PTPRM: variants seen among roughly 807,000 people sequenced by gnomAD.
PTPRM encodes protein tyrosine phosphatase receptor type M.
Under a neutral mutation model 186.7 loss-of-function variants are expected in PTPRM, and 47 were observed. The ratio of observed to expected loss-of-function variants is 0.25; its 90% CI spans 0.20 to 0.32. The LOEUF (loss-of-function observed/expected upper bound fraction) is 0.32. Among genes scored for constraint, PTPRM ranks in the 10% least tolerant of loss-of-function variants. The pLI is 1.00. For missense variants in PTPRM, 1,494 were observed against 1,865.0 expected, an observed-to-expected ratio of 0.80 and a Z score of 3.66; for synonymous variants, 668 against 674.9, an observed-to-expected ratio of 0.99 and a Z score of 0.16.
chr18:7,875,608 G>A (rs2048200452), intron 2 of PTPRM, among the ~76,000 whole-genome samples: 1 of 152,152 alleles, frequency 6.6e-6, no homozygotes, highest in Non-Finnish European at 1.5e-5. Flanking sequence ...ACCGGCGTGA[G>A]CCTCTGTGCC....
intron 1 of PTPRM, among the ~76,000 whole-genome samples, chr18:7,706,707 A>C (rs963601613): frequency 1.3e-5 from 2 of 151,414 alleles, no homozygotes; most frequent in African/African-American, 4.9e-5. Flanking sequence ...GGAGGGATGG[A>C]CTATCCCAGC....
intron 1 of PTPRM, among the ~76,000 whole-genome samples, chr18:7,678,254 G>T (rs943494122): frequency 7.2e-5 from 11 of 152,174 alleles, no homozygotes; most frequent in Non-Finnish European, 1.5e-4. Flanking sequence ...CTCAGGGGTA[G>T]GGTGGCTGTA....
At chr18:7,858,476 C>T (rs370800566) in intron 2 of PTPRM, among the ~76,000 whole-genome samples, 28 of 152,202 alleles carry the variant, frequency 1.8e-4, no homozygotes, top group African/African-American at 5.3e-4. Context: ...GAAGATTGAT[C>T]GCTTGCGCCC....
At chr18:7,767,969 T>G (rs1245192971) in intron 1 of PTPRM, among the ~76,000 whole-genome samples, 1 of 152,204 alleles carries the variant, frequency 6.6e-6, no homozygotes, top group Non-Finnish European at 1.5e-5. Flanking sequence ...GGCAAAATAA[T>G]TGCAGCCAGA....
intron 14 of PTPRM, among the ~76,000 whole-genome samples, chr18:8,153,279 C>G (rs140204735): frequency 6.6e-6 from 1 of 152,070 alleles, no homozygotes; most frequent in East Asian, 1.9e-4. Flanking sequence ...CCCTTGTGAC[C>G]CTAGCTAAAT....
chr18:8,402,344 T>G lies in PTPRM; in HGVS notation c.4345-3765T>G, dbSNP rs116697074. ...ATAAGGTGGGAGAGGGAGAATTCAT[T>G]TTGAAAATTATAGTCATGCCTGAGA... On this transcript the variant is annotated intron_variant, in intron 32 of 32. Transcript: ENST00000580170. Among the ~76,000 whole-genome samples the G allele has an allele frequency of 2.9e-3, 438 of 152,226 alleles. 2 individuals carry two copies. The highest frequency in any genetic ancestry group is 0.01 in the African/African-American group (419 of 41,528).
At chr18:8,240,171 G>A (rs989477165) in intron 14 of PTPRM, among the ~76,000 whole-genome samples, 3 of 152,054 alleles carry the variant, frequency 2.0e-5, no homozygotes, top group African/African-American at 7.2e-5. Context: ...ATTACTTATC[G>A]ACAATCCTAA....
chr18:7,852,028 G>A lies in PTPRM; in HGVS notation c.197-36078G>A, dbSNP rs565642222. Among the ~76,000 whole-genome samples the A allele has an allele frequency of 8.5e-5, 13 of 152,118 alleles. No individual in the cohort carries two copies. The South Asian group carries it at 2.7e-3, about 32-fold the overall frequency. ...CAGCAATCACAAAAAGAATAGAGAAGGGATATGTAAAGAACAAGCTACTGG... is the reference window on the plus strand; with the variant it reads ...CAGCAATCACAAAAAGAATAGAGAAAGGATATGTAAAGAACAAGCTACTGG... On this transcript the variant is annotated intron_variant, in intron 2 of 32. Transcript: ENST00000580170.
intron 23 of PTPRM, among the ~76,000 whole-genome samples, chr18:8,350,062 A>G (rs1264442808): frequency 3.9e-5 from 6 of 152,210 alleles, no homozygotes; most frequent in African/African-American, 1.4e-4. Flanking sequence ...CTAAGTTCCT[A>G]TGGCCAAACT....
chr18:8,005,033 C>G (rs528480085), intron 7 of PTPRM, among the ~76,000 whole-genome samples: 56 of 152,268 alleles, frequency 3.7e-4, no homozygotes, highest in African/African-American at 1.3e-3. Context: ...TGAGCATACA[C>G]TATATTGTAT....
intron 23 of PTPRM, among the ~76,000 whole-genome samples, chr18:8,346,873 C>A (rs1440971437): frequency 6.6e-6 from 1 of 151,990 alleles, no homozygotes; most frequent in Non-Finnish European, 1.5e-5. Context: ...CCTTGCTCAG[C>A]AGCCTCTCCC....
At chr18:8,364,172 A>T (rs1291878362) in intron 23 of PTPRM, among the ~76,000 whole-genome samples, 1 of 152,212 alleles carries the variant, frequency 6.6e-6, no homozygotes, top group Non-Finnish European at 1.5e-5. Context: ...TGAAAGGAAG[A>T]ATCTAGGAAA....
intron 1 of PTPRM, among the ~76,000 whole-genome samples, chr18:7,746,934 G>A (rs1032086669): frequency 7.2e-5 from 11 of 152,158 alleles, no homozygotes; most frequent in Non-Finnish European, 1.6e-4. Context: ...CAGGGAGAGG[G>A]CAGAGGTAAA....
chr18:8,105,765 G>A (rs554998740), intron 11 of PTPRM, among the ~76,000 whole-genome samples: 54 of 152,280 alleles, frequency 3.5e-4, no homozygotes, highest in African/African-American at 1.2e-3. Context: ...GTCAGGAATG[G>A]CTCTCAGAGC....
chr18:7,745,385 C>T (rs985066357), intron 1 of PTPRM, among the ~76,000 whole-genome samples: 9 of 152,168 alleles, frequency 5.9e-5, no homozygotes, highest in African/African-American at 2.2e-4. Context: ...GACTGAGTGT[C>T]TCAGCCTCTC....
chr18:7,975,939 G>A (rs1325962885), intron 7 of PTPRM, among the ~76,000 whole-genome samples: 1 of 152,168 alleles, frequency 6.6e-6, no homozygotes, highest in Non-Finnish European at 1.5e-5. Context: ...GGGAGCCCGA[G>A]GCAGGTGGAT....
At chr18:7,894,411 C>A (rs2049241179) in intron 3 of PTPRM, among the ~76,000 whole-genome samples, 1 of 151,872 alleles carries the variant, frequency 6.6e-6, no homozygotes, top group African/African-American at 2.4e-5. Flanking sequence ...ACGGTGAAAC[C>A]CCGTCTCTAC....
chr18:8,213,870 G>A (rs1392135213), intron 14 of PTPRM, among the ~76,000 whole-genome samples: 4 of 152,106 alleles, frequency 2.6e-5, no homozygotes, highest in Non-Finnish European at 5.9e-5. Flanking sequence ...CCCATCATCC[G>A]ATGAGTGGAT....
intron 22 of PTPRM, among the ~76,000 whole-genome samples, chr18:8,337,640 C>T (rs1396358856): frequency 6.6e-6 from 1 of 152,176 alleles, no homozygotes; most frequent in Non-Finnish European, 1.5e-5. Flanking sequence ...CTTTAAACAT[C>T]ATGAAGAAAC....
Sources: allele counts gnomAD v4.1 joint callset (sites outside exome capture counted in the v4.1 genomes callset), GRCh38; gene constraint gnomAD v4.1.1; transcripts MANE v1.5; gene names NCBI Gene and HGNC (gene_info 2026-07-23, HGNC 2026-07-21).